Variants in TJP1 observed in about 807,000 individuals in gnomAD.
TJP1 encodes tight junction protein 1.
In TJP1, 43 loss-of-function variants were observed where a neutral mutation model predicts 194.2. That is an observed-to-expected ratio of 0.22 (90% CI 0.17 to 0.29). The LOEUF (loss-of-function observed/expected upper bound fraction) is 0.29. Ranked by LOEUF, TJP1 falls within the 10% of genes least tolerant of loss-of-function variation. The probability of loss-of-function intolerance (pLI) is 1.00; values close to 1 mark genes in which losing one functional copy is unlikely to be tolerated. For synonymous variants in TJP1, 801 were observed against 779.0 expected, an observed-to-expected ratio of 1.03 and a Z score of -0.47; for missense variants, 1,971 against 2,185.7, an observed-to-expected ratio of 0.90 and a Z score of 1.96.
At chr15:29,726,547 T>C (rs1381621725) in intron 17 of TJP1, 68 bp from the exon 18 acceptor site, 7 of 1,434,322 alleles carry the variant, frequency 4.9e-6, no homozygotes, top group Admixed American at 3.6e-5. Context: ...AATTCAACCC[T>C]GCTTACAGCT....
At chr15:29,814,896 A>T (rs1040849318) in intron 1 of TJP1, among the ~76,000 whole-genome samples, 2 of 152,198 alleles carry the variant, frequency 1.3e-5, no homozygotes, top group Non-Finnish European at 2.9e-5. Context: ...GCCACCTGAG[A>T]TTCAGTATTG....
intron 2 of TJP1, among the ~76,000 whole-genome samples, chr15:29,878,674 TA>T (rs1308973764): frequency 3.9e-5 from 6 of 152,150 alleles, no homozygotes; most frequent in Admixed American, 1.3e-4. Flanking sequence ...TAGCTCTGTA[TA>T]ACATCCAACC....
chr15:29,850,870 G>A (rs1331934330), intron 2 of TJP1, among the ~76,000 whole-genome samples: 2 of 152,044 alleles, frequency 1.3e-5, no homozygotes, highest in African/African-American at 4.8e-5. Flanking sequence ...GGGCACAGTG[G>A]CTCACGCCTG....
intron 1 of TJP1, among the ~76,000 whole-genome samples, chr15:29,821,029 T>C (rs552876377): frequency 1.3e-5 from 2 of 152,200 alleles, no homozygotes; most frequent in African/African-American, 2.4e-5. Context: ...CTCGATACTA[T>C]TTGAAGTAAT....
downstream of TJP1, chr15:29,699,489 A>C (rs1373067803): frequency 6.6e-6 from 1 of 152,176 alleles, no homozygotes; most frequent in Non-Finnish European, 1.5e-5. Context: ...AGAGAAGATA[A>C]AGAAACTGTT....
In TJP1 at chr15:29,701,461, T is replaced by C. The variant is rs2041535355; in HGVS notation, c.*134A>G. 3.0e-6 allele frequency: 2 copies of C among 666,506 alleles called. No individual in the cohort carries two copies. The highest frequency in any genetic ancestry group is 2.1e-5 in the South Asian group (1 of 48,514). 41.3% of individuals were successfully genotyped at this position (666,506 alleles called of 1,614,324 possible). On this transcript the variant is annotated 3_prime_UTR_variant, in exon 28 of 28. Transcript: ENST00000614355. ...TCAGGGGCATGCTCACTCATCTTTA[T>C]CAGTTCAAACAAATGCCTCATACTA...
intron 1 of TJP1, among the ~76,000 whole-genome samples, chr15:29,804,015 C>G (rs1374130871): frequency 6.6e-6 from 1 of 151,492 alleles, no homozygotes; most frequent in Non-Finnish European, 1.5e-5. Flanking sequence ...CTATGTTTTA[C>G]CACTCCTTAT....
rs1175394784 is a variant in TJP1, at chr15:29,822,052, G to C, written c.-24C>G. ...ATCTTGTCTCTCTCCAGCGCCGCGC[G>C]AGGCTCCTCGGACCCGAAACTCCGC... On this transcript the variant is annotated 5_prime_UTR_variant, in exon 1 of 28. Transcript: ENST00000614355. 7.7e-7 allele frequency: 1 copy of C among 1,300,204 alleles called. No individual in the cohort carries two copies. The highest frequency in any genetic ancestry group is 9.8e-7 in the Non-Finnish European group (1 of 1,023,798). The allele number at this position is 1,300,204 out of a possible 1,614,324, so 80.5% of individuals were successfully genotyped here.
chr15:29,790,123 T>C (rs758650884), intron 2 of TJP1, among the ~76,000 whole-genome samples: 17 of 152,322 alleles, frequency 1.1e-4, no homozygotes, highest in South Asian at 2.1e-4. Flanking sequence ...GCTTCTACAA[T>C]ACGGCTGCAG....
chr15:29,766,815 G>A (rs1169636327), intron 4 of TJP1, among the ~76,000 whole-genome samples: 1 of 152,166 alleles, frequency 6.6e-6, no homozygotes, highest in African/African-American at 2.4e-5. Context: ...TCTTCCTGGT[G>A]TAATAATCAC....
chr15:29,768,508 T>C (rs1383948438), intron 4 of TJP1, among the ~76,000 whole-genome samples: 3 of 152,202 alleles, frequency 2.0e-5, no homozygotes, highest in African/African-American at 7.2e-5. Flanking sequence ...AGGCTTTCCC[T>C]ATCATTCCTG....
intron 8 of TJP1, among the ~76,000 whole-genome samples, chr15:29,757,932 C>T (rs1354230766): frequency 1.3e-5 from 2 of 152,126 alleles, no homozygotes; most frequent in African/African-American, 2.4e-5. Flanking sequence ...ATTCCTCAGA[C>T]GACTAAATGT....
At chr15:29,783,737 T>C (rs1316867185) in intron 2 of TJP1, among the ~76,000 whole-genome samples, 1 of 152,200 alleles carries the variant, frequency 6.6e-6, no homozygotes, top group African/African-American at 2.4e-5. Context: ...ATGTTCTCAC[T>C]TATAAGCGGG....
intron 27 of TJP1, among the ~76,000 whole-genome samples, chr15:29,702,467 G>A (rs1038792642): frequency 1.3e-5 from 2 of 152,220 alleles, no homozygotes; most frequent in African/African-American, 4.8e-5. Context: ...AGTCACAGCT[G>A]TGGACGTTTG....
At chr15:29,949,931 A>ACCT (rs1567226913) in intron 2 of TJP1, among the ~76,000 whole-genome samples, 1 of 47,440 alleles carries the variant, frequency 2.1e-5, no homozygotes. Context: ...CTTCACCACC[A>ACCT]CCACCACCTC....
intron 2 of TJP1, among the ~76,000 whole-genome samples, chr15:29,840,214 A>C (rs2051174134): frequency 6.6e-6 from 1 of 151,580 alleles, no homozygotes; most frequent in African/African-American, 2.4e-5. Context: ...CTTTCAGCAG[A>C]CTCTTTCCCA....
chr15:29,948,007 C>T (rs2055341623), intron 2 of TJP1, among the ~76,000 whole-genome samples: 1 of 152,212 alleles, frequency 6.6e-6, no homozygotes, highest in Non-Finnish European at 1.5e-5. Flanking sequence ...TGGCTCACAC[C>T]TGTAATCCCA....
intron 1 of TJP1, among the ~76,000 whole-genome samples, chr15:29,960,630 T>C (rs557620339): frequency 1.6e-5 from 2 of 124,450 alleles, no homozygotes; most frequent in Non-Finnish European, 3.3e-5. Context: ...AGTGAGACCA[T>C]GTCTCAAAAA....
upstream of TJP1, among the ~76,000 whole-genome samples, chr15:29,825,775 C>T (rs1448902330): frequency 6.6e-6 from 1 of 152,162 alleles, no homozygotes. Flanking sequence ...AGGAGAAGCA[C>T]TTTATCAAGA....
Sources: gnomAD v4.1 joint callset for allele counts (sites outside exome capture counted in the v4.1 genomes callset) on GRCh38, gnomAD v4.1.1 for gene constraint, MANE v1.5 for transcripts, NCBI Gene and HGNC (gene_info 2026-07-23, HGNC 2026-07-21) for gene names.